Variants in TP63 observed in about 807,000 individuals in gnomAD.
The protein encoded by TP63 is tumor protein p63.
In TP63, 17 loss-of-function variants were observed where a neutral mutation model predicts 82.8. The ratio of observed to expected loss-of-function variants is 0.21; its 90% CI spans 0.14 to 0.31. The LOEUF (loss-of-function observed/expected upper bound fraction) is 0.31. TP63 is among the 10% of genes least tolerant of loss of function. TP63 has a pLI of 1.00. For missense variants in TP63, 648 were observed against 895.3 expected (o/e 0.72, Z 3.52); for synonymous variants, 330 against 321.7 (o/e 1.03, Z -0.28).
At chr3:189,610,748 A>G in the TP63 span, among the ~76,000 whole-genome samples, 29 of 152,054 alleles carry the variant, frequency 1.9e-4, no homozygotes, top group Non-Finnish European at 3.7e-4. Context: ...ACTGGTACCA[A>G]TTTACTGTTT....
the TP63 span, among the ~76,000 whole-genome samples, chr3:189,602,819 CTA>C: frequency 6.6e-6 from 1 of 152,086 alleles, no homozygotes; most frequent in Non-Finnish European, 1.5e-5. Flanking sequence ...AATGAACACT[CTA>C]TTTTAAAATA....
intron 4 of TP63, among the ~76,000 whole-genome samples, chr3:189,825,123 A>G (rs908011363): frequency 3.9e-5 from 6 of 152,198 alleles, no homozygotes; most frequent in African/African-American, 1.4e-4. Context: ...CTTGCAGGAG[A>G]ACATCTGCAA....
chr3:189,884,660 G>GTA (rs1473271464), intron 10 of TP63, among the ~76,000 whole-genome samples: 2 of 152,116 alleles, frequency 1.3e-5, no homozygotes, highest in African/African-American at 2.4e-5. Context: ...ATCAACACCA[G>GTA]TATATATATA....
Position 189,810,693 on chromosome 3 carries a change from T to C in TP63, c.579+2167T>C, listed in dbSNP as rs185857594. On this transcript the variant is annotated intron_variant, in intron 4 of 13. Transcript: ENST00000264731. ...CAACATAGTGAAACCCTGTCTGTAC[T>C]AAAAATACAAAAATTAGCCAGACGT... Among the ~76,000 whole-genome samples, 273 of 151,882 alleles carry C rather than the reference T, an allele frequency of 1.8e-3. 2 individuals are homozygous for C. The highest frequency in any genetic ancestry group is 6.4e-3 in the African/African-American group (264 of 41,444).
At chr3:189,677,044 A>G (rs1473743214) in intron 1 of TP63, among the ~76,000 whole-genome samples, 1 of 138,250 alleles carries the variant, frequency 7.2e-6, no homozygotes, top group East Asian at 2.4e-4. Flanking sequence ...CGTACAGGGT[A>G]TTTAGCTCCC....
In TP63 at chr3:189,695,259, G is replaced by A. The variant is rs1057035134; in HGVS notation, c.63-42481G>A. On this transcript the variant is annotated intron_variant, in intron 1 of 13. Transcript: ENST00000264731. ...TAATTAAATACTACTTTATTTCCTC[G>A]CTCCATTGCTCCAGTTTTGGCCATT... Among the ~76,000 whole-genome samples, 14 of 151,862 alleles carry A rather than the reference G, an allele frequency of 9.2e-5. No individual in the cohort carries two copies. The Middle Eastern group carries it at 0.01, about 111-fold the overall frequency.
At chr3:189,811,169 T>C (rs1727523945) in intron 4 of TP63, among the ~76,000 whole-genome samples, 1 of 152,206 alleles carries the variant, frequency 6.6e-6, no homozygotes, top group South Asian at 2.1e-4. Context: ...CACTTGATCT[T>C]TCTAAAATTC....
At chr3:189,838,477 G>A (rs534622827) in intron 4 of TP63, among the ~76,000 whole-genome samples, 32 of 152,230 alleles carry the variant, frequency 2.1e-4, no homozygotes, top group African/African-American at 7.0e-4. Flanking sequence ...GCACGTTTCC[G>A]TCTTAAACAA....
intron 10 of TP63, among the ~76,000 whole-genome samples, chr3:189,884,896 A>C (rs1268861261): frequency 6.6e-6 from 1 of 152,128 alleles, no homozygotes; most frequent in African/African-American, 2.4e-5. Context: ...AATTATGGAG[A>C]GAATGCAGAG....
intron 3 of TP63, among the ~76,000 whole-genome samples, chr3:189,767,247 T>C (rs992523532): frequency 1.3e-5 from 2 of 152,154 alleles, no homozygotes; most frequent in African/African-American, 4.8e-5. Flanking sequence ...TTTTTTATTT[T>C]ATTTGAACCA....
chr3:189,676,082 T>G (rs891978989), intron 1 of TP63, among the ~76,000 whole-genome samples: 6 of 152,186 alleles, frequency 3.9e-5, no homozygotes. Flanking sequence ...TGTTTTGATG[T>G]ATGCGTACAT....
chr3:189,771,274 AATATATATATAAATATATATTATATTT>A (rs1476754166), intron 3 of TP63, among the ~76,000 whole-genome samples: 2 of 122,372 alleles, frequency 1.6e-5, no homozygotes, highest in Non-Finnish European at 3.3e-5. Context: ...AGCTAAGACA[AATATATATATAAATATATATTATATTT>A]ATATATATAA....
chr3:189,809,674 T>C (rs1246757835), intron 4 of TP63, among the ~76,000 whole-genome samples: 2 of 152,270 alleles, frequency 1.3e-5, no homozygotes, highest in Non-Finnish European at 2.9e-5. Context: ...AAAGCATTTC[T>C]ATGTTTATGT....
chr3:189,842,574 T>A (rs1298674800), intron 4 of TP63, among the ~76,000 whole-genome samples: 1 of 151,958 alleles, frequency 6.6e-6, no homozygotes, highest in African/African-American at 2.4e-5. Context: ...ATGTCCAGGT[T>A]TGTTTTATTG....
At chr3:189,893,696 G>T (rs1323722816) in intron 13 of TP63, among the ~76,000 whole-genome samples, 2 of 152,054 alleles carry the variant, frequency 1.3e-5, no homozygotes, top group African/African-American at 4.8e-5. Context: ...GCCTTCAGTT[G>T]TTCTATCTAT....
intron 3 of TP63, among the ~76,000 whole-genome samples, chr3:189,806,891 A>C (rs932440553): frequency 6.6e-6 from 1 of 152,296 alleles, no homozygotes; most frequent in East Asian, 1.9e-4. Context: ...GAAAAAAAAA[A>C]GTTCAATAAA....
intron 3 of TP63, among the ~76,000 whole-genome samples, chr3:189,781,471 G>A (rs1022622517): frequency 1.3e-5 from 2 of 152,190 alleles, no homozygotes; most frequent in African/African-American, 4.8e-5. Context: ...AACTAAAGGT[G>A]CAGACCGGCA....
At chr3:189,599,965 T>A in the TP63 span, among the ~76,000 whole-genome samples, 5 of 152,252 alleles carry the variant, frequency 3.3e-5, no homozygotes, top group Non-Finnish European at 7.3e-5. Flanking sequence ...TTATTATTGT[T>A]GCTGTTACAA....
At chr3:189,747,744 T>G (rs1279045248) in intron 3 of TP63, among the ~76,000 whole-genome samples, 2 of 151,704 alleles carry the variant, frequency 1.3e-5, no homozygotes, top group African/African-American at 4.8e-5. Context: ...AGAGCAGAAC[T>G]AAACAAAATA....
Sources: gnomAD v4.1 joint callset for allele counts (sites outside exome capture counted in the v4.1 genomes callset) on GRCh38, gnomAD v4.1.1 for gene constraint, MANE v1.5 for transcripts, NCBI Gene and HGNC (gene_info 2026-07-23, HGNC 2026-07-21) for gene names.